Variants in SSH1 observed in about 807,000 individuals in gnomAD.
SSH1 encodes protein phosphatase Slingshot homolog 1.
A neutral mutation model predicts 79.7 loss-of-function variants in SSH1; 43 were observed. The ratio of observed to expected loss-of-function variants is 0.54; its 90% confidence interval spans 0.42 to 0.70. The LOEUF (loss-of-function observed/expected upper bound fraction) is 0.70. Among genes scored for constraint, SSH1 ranks in the 30% least tolerant of loss-of-function variants. The pLI, the probability that SSH1 is intolerant of heterozygous loss-of-function variation, is 0.00. For missense variants in SSH1, 1,206 were observed against 1,358.8 expected (o/e 0.89, Z 1.77); for synonymous variants, 599 against 538.3 (o/e 1.11, Z -1.56).
rs981303479 is a variant in SSH1 at position 108,788,409 on chromosome 12, C to T, written c.2729G>A (p.Ser910Asn). The change falls in exon 15 of 15, where the codon AGT (serine) becomes AAT (asparagine). Residue 910 changes from serine to asparagine, a missense_variant. Ser to Asn is a conservative substitution (Grantham distance 46, BLOSUM62 1). This residue lies in a region of SSH1 where 709 missense variants were observed against 730.6 expected (regional missense o/e 0.97). Transcript: ENST00000326495. ...GGTCTTCAGAAAGTCTTTTGAGAAACTACTGGTGTGGTCCAGGCGGTAGAA... is the reference window on the plus strand; with the variant it reads ...GGTCTTCAGAAAGTCTTTTGAGAAATTACTGGTGTGGTCCAGGCGGTAGAA... ...PFFYRLDHTS[S>N]FSKDFLKTIC... 6.2e-7 allele frequency: 1 copy of T among 1,608,686 alleles called. No homozygotes were observed. Among genetic ancestry groups the T allele is most frequent in the Non-Finnish European group, 8.5e-7 (1 of 1,177,894 alleles).
At chr12:108,793,807 G>A (rs998581176) in intron 13 of SSH1, among the ~76,000 whole-genome samples, 4 of 152,306 alleles carry the variant, frequency 2.6e-5, no homozygotes, top group Admixed American at 6.5e-5. Context: ...GGCTTGCGAG[G>A]GTTAAAAAGA....
At chr12:108,805,684 C>A in intron 9 of SSH1, among the ~76,000 whole-genome samples, 1 of 140,058 alleles carries the variant, frequency 7.1e-6, no homozygotes, top group South Asian at 2.5e-4. Context: ...CACAGGAAGA[C>A]CAAGTCTCTT....
At chr12:108,800,038 T>G (rs1163890566) in intron 12 of SSH1, among the ~76,000 whole-genome samples, 1 of 152,208 alleles carries the variant, frequency 6.6e-6, no homozygotes, top group Non-Finnish European at 1.5e-5. Flanking sequence ...GGTCTGAAGT[T>G]TCCGTCAAGG....
chr12:108,852,509 C>T lies in SSH1; in HGVS notation c.110+129G>A, dbSNP rs529080313. 3.3e-4 allele frequency: 360 copies of T among 1,076,164 alleles called. 2 individuals carry two copies. Among genetic ancestry groups the T allele is most frequent in the South Asian group, 2.7e-3 (214 of 80,012 alleles). The allele number at this position is 1,076,164 out of a possible 1,614,324, so 66.7% of individuals were successfully genotyped here. ...CCTCCCAAAGTGCTGGAATTACAGG[C>T]GTGACCCACCGCACCCAGCCCAAAA... On this transcript the variant is annotated intron_variant, in intron 2 of 14. Coordinates refer to ENST00000326495, the MANE Select transcript of SSH1 (RefSeq NM_018984.4).
At chr12:108,800,724 T>C in intron 12 of SSH1, 56 bp downstream of exon 12, 3 of 1,600,076 alleles carry the variant, frequency 1.9e-6, no homozygotes, top group Non-Finnish European at 1.7e-6. Flanking sequence ...TCATTCCCAC[T>C]CTCCCAGCCT....
At chr12:108,811,426 G>T in intron 5 of SSH1, 98 bp from the exon 6 acceptor site, 1 of 1,047,718 alleles carries the variant, frequency 9.5e-7, no homozygotes, top group Non-Finnish European at 1.5e-6. Flanking sequence ...GCTGTTGGAC[G>T]TACGTGTGGG....
At chr12:108,790,329 T>C (rs1214406757) in intron 14 of SSH1, among the ~76,000 whole-genome samples, 1 of 152,160 alleles carries the variant, frequency 6.6e-6, no homozygotes, top group Admixed American at 6.5e-5. Flanking sequence ...TTAATATTTT[T>C]AGTAGAGATG....
At chr12:108,793,099 C>T (rs961017076) in intron 13 of SSH1, among the ~76,000 whole-genome samples, 9 of 152,162 alleles carry the variant, frequency 5.9e-5, no homozygotes, top group African/African-American at 1.9e-4. Flanking sequence ...AACGCGGGGG[C>T]GTCTAGACTT....
At chr12:108,842,466 T>C (rs1455924867) in intron 2 of SSH1, among the ~76,000 whole-genome samples, 2 of 152,184 alleles carry the variant, frequency 1.3e-5, no homozygotes, top group African/African-American at 2.4e-5. Flanking sequence ...GACAACAAGA[T>C]GACAGCAAGT....
At chr12:108,806,160 A>C in intron 9 of SSH1, 141 bp downstream of exon 9, 1 of 821,874 alleles carries the variant, frequency 1.2e-6, no homozygotes, top group Non-Finnish European at 2.1e-6. Context: ...AGAACGAGGC[A>C]GAAAAAAGCC....
Position 108,852,833 on chromosome 12 carries a change from C to G in SSH1, c.70-155G>C, listed in dbSNP as rs538453133. On this transcript the variant is annotated intron_variant, in intron 1 of 14. Transcript: ENST00000326495. ...CAGCCGTGCCCTTTCCTCACCAATC[C>G]CGGTCTGTCCCTTGGAGTCATTTCC... The G allele has an allele frequency of 5.9e-5, 58 of 985,440 alleles. 1 individual carries two copies. In the South Asian group the frequency reaches 2.4e-3, roughly 41 times the overall value. 61.0% of individuals were successfully genotyped at this position (985,440 alleles called of 1,614,324 possible).
In SSH1 at chr12:108,857,466, T is replaced by G. The variant is rs1319441496; in HGVS notation, c.31A>C (p.Thr11Pro). Residue 11 changes from threonine to proline, a missense_variant, in exon 1 of 15, where the codon ACG becomes CCG. Transcript: ENST00000326495. This position sits in a 1 kb window ranked among gnomAD's most constrained non-coding sequence, Gnocchi z 4.7. ...GCCGAGGAGGAGGCGGCGCTGGGCG[T>G]GGGCGAGCGCTGCAGGGTCACCAGG... MALVTLQRSPTPSAASSSASN... is the reference protein window; with the variant it reads MALVTLQRSPPPSAASSSASN... The G allele has an allele frequency of 1.8e-6, 2 of 1,129,212 alleles. No homozygotes were observed. Among genetic ancestry groups the G allele is most frequent in the Admixed American group, 6.5e-5 (2 of 30,702 alleles). 69.9% of individuals were successfully genotyped at this position (1,129,212 alleles called of 1,614,324 possible).
Position 108,788,661 on chromosome 12 carries a change from G to T in SSH1, c.2477C>A (p.Thr826Asn), listed in dbSNP as rs761808970. 4.3e-6 allele frequency: 7 copies of T among 1,613,928 alleles called. No individual in the cohort carries two copies. In the African/African-American group the frequency reaches 8.0e-5, roughly 18 times the overall value. ...LQKAGLVRKH[T>N]KELERLKSVP... ...GCTCTTCAGCCGCTCTAGCTCTTTGGTGTGCTTGCGGACCAAGCCTGCCTT... is the reference window on the plus strand; with the variant it reads ...GCTCTTCAGCCGCTCTAGCTCTTTGTTGTGCTTGCGGACCAAGCCTGCCTT... The change falls in exon 15 of 15, where the codon ACC (threonine) becomes AAC (asparagine). Residue 826 changes from threonine (T) to asparagine (N), a missense_variant. By Grantham distance (65) the Thr-to-Asn change is moderately conservative. Transcript: ENST00000326495.
chr12:108,817,078 C>A lies in SSH1; in HGVS notation c.361G>T (p.Glu121Ter). Reference protein sequence around the residue: ...VYSSGRQDTEENILLGVDFSS... With the variant: ...VYSSGRQDTE The stretch of plus-strand genomic sequence containing the variant: ...AAGTCCACTCCCAGCAAGATATTCT[C>A]CTCGGTGTCCTGGCGCCCGCTGCTG... Residue 121 changes from glutamate to a stop codon, truncating the protein, a stop_gained, in exon 5 of 15, where the codon GAG (glutamate) becomes TAG (stop). Transcript: ENST00000326495. LOFTEE classifies it high-confidence loss of function. The A allele has an allele frequency of 6.2e-7, 1 of 1,614,224 alleles. No homozygotes were observed. Among genetic ancestry groups the A allele is most frequent in the Non-Finnish European group, 8.5e-7 (1 of 1,180,028 alleles).
intron 1 of SSH1, among the ~76,000 whole-genome samples, chr12:108,855,685 C>G (rs941990811): frequency 6.6e-6 from 1 of 152,186 alleles, no homozygotes; most frequent in African/African-American, 2.4e-5. Context: ...AATTGCCAGA[C>G]AGCAGTGACC....
At chr12:108,801,645 A>G (rs1050244491) in intron 11 of SSH1, among the ~76,000 whole-genome samples, 9 of 152,080 alleles carry the variant, frequency 5.9e-5, no homozygotes, top group African/African-American at 2.2e-4. Context: ...ATGTATTTTA[A>G]GATTTGTTTA....
chr12:108,814,975 T>A (rs190107370), intron 5 of SSH1, among the ~76,000 whole-genome samples: 1 of 152,312 alleles, frequency 6.6e-6, no homozygotes, highest in Non-Finnish European at 1.5e-5. Context: ...GTGAGCTCTG[T>A]GAGACTGTAG....
rs1448214909 is a variant in SSH1 at position 108,788,551 on chromosome 12, C to T, written c.2587G>A (p.Ala863Thr). Residue 863 changes from alanine (A) to threonine (T), a missense_variant, in exon 15 of 15, where the codon GCC becomes ACC. Coordinates refer to ENST00000326495, the MANE Select transcript of SSH1 (RefSeq NM_018984.4). ...ASIPEESQDP[A>T]ALHELGPLVM... The stretch of plus-strand genomic sequence containing the variant: ...AGGGGGCCCAGCTCGTGGAGCGCGG[C>T]TGGATCCTGGCTCTCCTCGGGGATG... The T allele has an allele frequency of 6.3e-7, 1 of 1,585,200 alleles. No homozygotes were observed. The highest frequency in any genetic ancestry group is 1.3e-5 in the African/African-American group (1 of 74,106).
At chr12:108,827,061 C>T (rs576123059) in intron 2 of SSH1, among the ~76,000 whole-genome samples, 2 of 151,634 alleles carry the variant, frequency 1.3e-5, no homozygotes, top group Non-Finnish European at 2.9e-5. Context: ...TTTATCTCCA[C>T]CACACAGATC....
Sources: gnomAD v4.1 joint callset for allele counts (sites outside exome capture counted in the v4.1 genomes callset) on GRCh38, gnomAD v4.1.1 for gene constraint, gnomAD v4.1.1 regional missense constraint, Gnocchi (gnomAD v3.1) non-coding constraint, MANE v1.5 for transcripts, NCBI Gene and HGNC (gene_info 2026-07-23, HGNC 2026-07-21) for gene names.